RGS8: variants seen among roughly 807,000 people sequenced by gnomAD.
RGS8 encodes the protein regulator of G protein signaling 8.
In RGS8, 8 loss-of-function variants were observed where a neutral mutation model predicts 21.7. The ratio of observed to expected loss-of-function variants is 0.37; its 90% CI spans 0.22 to 0.66. The LOEUF (loss-of-function observed/expected upper bound fraction) is 0.66. Among genes scored for constraint, RGS8 ranks in the 30% least tolerant of loss-of-function variants. The probability of loss-of-function intolerance (pLI) is 0.59; values close to 1 mark genes in which losing one functional copy is unlikely to be tolerated. For missense variants in RGS8, 157 were observed against 217.9 expected (o/e 0.72, Z 1.76); for synonymous variants, 80 against 83.6 (o/e 0.96, Z 0.24).
the RGS8 span, among the ~76,000 whole-genome samples, chr1:182,706,653 G>T: frequency 6.6e-6 from 1 of 151,710 alleles, no homozygotes; most frequent in South Asian, 2.1e-4. Flanking sequence ...TTCTATTAGA[G>T]ATGGGGTTTC....
chr1:182,722,448 AAC>A, the RGS8 span, among the ~76,000 whole-genome samples: 1 of 151,218 alleles, frequency 6.6e-6, no homozygotes, highest in Non-Finnish European at 1.5e-5. Flanking sequence ...AGAAGCCTGC[AAC>A]CAAGGTGTCA....
At chr1:182,736,224 A>G in the RGS8 span, among the ~76,000 whole-genome samples, 34 of 152,342 alleles carry the variant, frequency 2.2e-4, no homozygotes, top group South Asian at 8.3e-4. Context: ...TTTTGCCTCC[A>G]CCAGTGGTAC....
At chr1:182,702,992 GT>G in the RGS8 span, among the ~76,000 whole-genome samples, 1 of 152,208 alleles carries the variant, frequency 6.6e-6, no homozygotes, top group Non-Finnish European at 1.5e-5. Flanking sequence ...CACTTGGATT[GT>G]TTCCAGTAAG....
At chr1:182,704,142 G>A in the RGS8 span, among the ~76,000 whole-genome samples, 2 of 152,172 alleles carry the variant, frequency 1.3e-5, no homozygotes, top group Non-Finnish European at 2.9e-5. Flanking sequence ...GAATTCAGAC[G>A]AATAGTGATT....
At chr1:182,737,305 T>C in the RGS8 span, among the ~76,000 whole-genome samples, 17 of 152,136 alleles carry the variant, frequency 1.1e-4, no homozygotes, top group South Asian at 2.9e-3. Flanking sequence ...AAATTAACTA[T>C]ATAATAAATT....
the RGS8 span, among the ~76,000 whole-genome samples, chr1:182,708,759 G>A: frequency 6.6e-6 from 1 of 152,190 alleles, no homozygotes; most frequent in East Asian, 1.9e-4. Flanking sequence ...AGAGCTCAAG[G>A]CTCCTGCCCC....
chr1:182,657,368 T>G (rs906180145), intron 5 of RGS8, among the ~76,000 whole-genome samples: 1 of 152,126 alleles, frequency 6.6e-6, no homozygotes, highest in African/African-American at 2.4e-5. Context: ...CTCCTGCTTG[T>G]CCATGAACTG....
intron 6 of RGS8, among the ~76,000 whole-genome samples, chr1:182,647,690 A>G (rs1758780): frequency 0.099 from 15,096 of 152,228 alleles, 1,580 homozygotes; most frequent in African/African-American, 0.26. Context: ...TGTTCTGAAA[A>G]GTAGGTACGC....
chr1:182,669,718 G>C, exon 3 of RGS8: 2 of 1,611,402 alleles, frequency 1.2e-6, no homozygotes, highest in East Asian at 2.2e-5. Flanking sequence ...ATAAGACTGC[G>C]GGGCTCAGGA....
intron 5 of RGS8, among the ~76,000 whole-genome samples, chr1:182,662,518 A>G (rs1475156397): frequency 1.3e-5 from 2 of 152,208 alleles, no homozygotes; most frequent in African/African-American, 4.8e-5. Context: ...CAAAATCGAG[A>G]ACACAGATCT....
chr1:182,708,999 G>C, the RGS8 span, among the ~76,000 whole-genome samples: 2 of 152,198 alleles, frequency 1.3e-5, no homozygotes, highest in African/African-American at 4.8e-5. Context: ...GCAGCCTGAC[G>C]AAAGCGCCTT....
chr1:182,678,429 A>C (rs1482820503), intron 1 of RGS8, among the ~76,000 whole-genome samples: 2 of 152,240 alleles, frequency 1.3e-5, no homozygotes, highest in East Asian at 3.8e-4. Context: ...CATTTTAAGA[A>C]AAGTCTATTA....
At chr1:182,736,027 A>G in the RGS8 span, among the ~76,000 whole-genome samples, 1 of 152,144 alleles carries the variant, frequency 6.6e-6, no homozygotes, top group Non-Finnish European at 1.5e-5. Context: ...CACCTATACC[A>G]TTGCTTACTT....
chr1:182,741,726 G>A, the RGS8 span, among the ~76,000 whole-genome samples: 4 of 102,086 alleles, frequency 3.9e-5, no homozygotes, highest in Admixed American at 9.4e-5. Flanking sequence ...CTCACCTCCC[G>A]GACAGGGCGG....
At chr1:182,675,378 C>T (rs1266228713), upstream of RGS8, among the ~76,000 whole-genome samples, 1 of 152,176 alleles carries the variant, frequency 6.6e-6, no homozygotes, top group Non-Finnish European at 1.5e-5. Flanking sequence ...AGCACCTGCA[C>T]AACCTCCTGC....
the RGS8 span, among the ~76,000 whole-genome samples, chr1:182,717,874 TGG>T: frequency 1.3e-5 from 2 of 152,188 alleles, no homozygotes; most frequent in African/African-American, 4.8e-5. Flanking sequence ...AATAAATAAA[TGG>T]ATATTTAAAT....
the RGS8 span, among the ~76,000 whole-genome samples, chr1:182,705,941 C>A: frequency 1.3e-3 from 197 of 152,234 alleles, no homozygotes; most frequent in African/African-American, 4.5e-3. Flanking sequence ...TTCTGTCCCC[C>A]ACTATCCCTG....
At chr1:182,648,458 G>A (rs1477053367) in intron 5 of RGS8, among the ~76,000 whole-genome samples, 155 bp from the exon 7 acceptor site, 1 of 152,138 alleles carries the variant, frequency 6.6e-6, no homozygotes, top group Non-Finnish European at 1.5e-5. Context: ...TCTCATCTGG[G>A]TGCAGTGGCT....
upstream of RGS8, among the ~76,000 whole-genome samples, chr1:182,685,636 A>G (rs978115159): frequency 6.6e-6 from 1 of 152,124 alleles, no homozygotes; most frequent in African/African-American, 2.4e-5. Flanking sequence ...AGGCAGAGGG[A>G]GGGCAGAACA....
Sources: gnomAD v4.1 joint callset for allele counts (sites outside exome capture counted in the v4.1 genomes callset) on GRCh38, gnomAD v4.1.1 for gene constraint, MANE v1.5 for transcripts, NCBI Gene and HGNC (gene_info 2026-07-23, HGNC 2026-07-21) for gene names.